Variants in IRAK2 observed in about 807,000 individuals in gnomAD.
IRAK2 encodes interleukin 1 receptor associated kinase 2.
In IRAK2, 57 loss-of-function variants were observed where a neutral mutation model predicts 72.0. The ratio of observed to expected loss-of-function variants is 0.79; its 90% CI spans 0.64 to 0.99. IRAK2 has a LOEUF of 0.99. IRAK2 is among the 50% of genes least tolerant of loss of function. The pLI is 0.00. For synonymous variants in IRAK2, 293 were observed against 312.7 expected (o/e 0.94, Z 0.67); for missense variants, 790 against 794.4 (o/e 0.99, Z 0.07).
chr3:10,190,547 T>C (rs1697159369), intron 2 of IRAK2, among the ~76,000 whole-genome samples: 1 of 152,120 alleles, frequency 6.6e-6, no homozygotes, highest in Non-Finnish European at 1.5e-5. Context: ...AAGGCTTTAA[T>C]CACTGTTGGT....
intron 4 of IRAK2, among the ~76,000 whole-genome samples, chr3:10,210,868 T>C (rs1357338863): frequency 1.3e-5 from 2 of 152,316 alleles, no homozygotes; most frequent in East Asian, 3.9e-4. Context: ...TTTTTTGTTT[T>C]TGTGTTTTTT....
At position 10,177,987 on chromosome 3, in the gene IRAK2, GAGCTCTAC is replaced by G; in HGVS notation, c.245_252del (p.Glu82AlafsTer14). ...ACTTGTGGACCTCCTGTGCCGCCTG[GAGCTCTAC>G]CGGGCTGCCCAGATCATCCTGAACT... On this transcript the variant is annotated frameshift_variant, in exon 2 of 13. Coordinates refer to ENST00000256458, the MANE Select transcript of IRAK2 (RefSeq NM_001570.4). LOFTEE classifies it high-confidence loss of function. 1.9e-6 allele frequency: 3 copies of G among 1,612,858 alleles called. No homozygotes were observed. The highest frequency in any genetic ancestry group is 2.5e-6 in the Non-Finnish European group (3 of 1,179,656).
chr3:10,179,064 A>G (rs1696921020), intron 2 of IRAK2, among the ~76,000 whole-genome samples: 1 of 151,934 alleles, frequency 6.6e-6, no homozygotes, highest in African/African-American at 2.4e-5. Context: ...GATTGCAGGC[A>G]TGAGTCACAT....
chr3:10,235,506 AC>A (rs1194311350), intron 11 of IRAK2, among the ~76,000 whole-genome samples: 1 of 151,866 alleles, frequency 6.6e-6, no homozygotes, highest in African/African-American at 2.4e-5. Context: ...GCCTGGGAGG[AC>A]CCTTAGAAAT....
At chr3:10,166,728 T>C (rs1338708969) in intron 1 of IRAK2, among the ~76,000 whole-genome samples, 2 of 152,208 alleles carry the variant, frequency 1.3e-5, no homozygotes, top group Non-Finnish European at 2.9e-5. Flanking sequence ...CACTGCAGCT[T>C]CCGCCTCTTG....
In IRAK2 at chr3:10,164,941, C is replaced by A; in HGVS notation, c.-14C>A. The A allele has an allele frequency of 3.8e-6, 6 of 1,596,828 alleles. No homozygotes were observed. Among genetic ancestry groups the A allele is most frequent in the Non-Finnish European group, 5.1e-6 (6 of 1,171,592 alleles). ...CCCAGTCGTCCCGCGCCGGAGCCGG[C>A]CCCGTAGCGTGCCATGGCCTGCTAC... On this transcript the variant is annotated 5_prime_UTR_variant, in exon 1 of 13. Transcript: ENST00000256458.
chr3:10,175,942 T>A (rs193095646), intron 1 of IRAK2, among the ~76,000 whole-genome samples: 3 of 146,004 alleles, frequency 2.1e-5, no homozygotes, highest in African/African-American at 7.5e-5. Context: ...ACCTGCAGCG[T>A]GGCAACAACT....
intron 7 of IRAK2, among the ~76,000 whole-genome samples, chr3:10,217,422 C>T (rs965445958): frequency 3.9e-5 from 6 of 152,304 alleles, no homozygotes; most frequent in Middle Eastern, 3.4e-3. Context: ...ATAGAACTAA[C>T]TTCGTTCGTC....
intron 1 of IRAK2, among the ~76,000 whole-genome samples, chr3:10,176,483 A>G (rs566456537): frequency 6.6e-6 from 1 of 150,540 alleles, no homozygotes; most frequent in South Asian, 2.1e-4. Flanking sequence ...TTATTTATTT[A>G]TTTATTTATT....
In IRAK2 at chr3:10,200,529, A is replaced by C. The variant is rs1212679843; in HGVS notation, c.424+14A>C. 1 of 1,545,026 alleles carries C rather than the reference A, an allele frequency of 6.5e-7. No homozygotes were observed. The highest frequency in any genetic ancestry group is 1.4e-5 in the African/African-American group (1 of 72,028). On this transcript the variant is annotated intron_variant, in intron 3 of 12. Coordinates refer to ENST00000256458, the MANE Select transcript of IRAK2 (RefSeq NM_001570.4). Reference sequence around the variant, plus strand: ...TTCCAGGCCCAGGTATTTTAAATTTAACTTTTTTACTTAAAGCACTTTTAT... The same window carrying C: ...TTCCAGGCCCAGGTATTTTAAATTTCACTTTTTTACTTAAAGCACTTTTAT...
intron 1 of IRAK2, among the ~76,000 whole-genome samples, chr3:10,174,372 A>AAATTTTCT (rs1696841000): frequency 1.3e-5 from 2 of 152,100 alleles, no homozygotes; most frequent in Non-Finnish European, 2.9e-5. Context: ...ACTGGCTCTG[A>AAATTTTCT]AATTTTCTGT....
chr3:10,243,158 C>T lies in IRAK2; in HGVS notation c.*930C>T, dbSNP rs545068115. ...CAAGTGATTCTCCTGCCTCAGCCTC[C>T]TGAGTAGATGGGACTGTAGGCACCT... On this transcript the variant is annotated 3_prime_UTR_variant, in exon 13 of 13. Coordinates refer to ENST00000256458, the MANE Select transcript of IRAK2 (RefSeq NM_001570.4). 3.3e-5 allele frequency: 5 copies of T among 152,366 alleles called. No individual in the cohort carries two copies. The highest frequency in any genetic ancestry group is 9.6e-5 in the African/African-American group (4 of 41,560). 9.4% of individuals were successfully genotyped at this position (152,366 alleles called of 1,614,324 possible). A position where few individuals can be genotyped will look rare whatever the true frequency, so the allele number is the denominator to read the frequency against.
At chr3:10,212,527 A>C (rs181971296) in intron 4 of IRAK2, among the ~76,000 whole-genome samples, 1 of 152,126 alleles carries the variant, frequency 6.6e-6, no homozygotes, top group Non-Finnish European at 1.5e-5. Context: ...GTGGGACCTC[A>C]CTTCAGCTGT....
chr3:10,206,961 C>A (rs984666122), intron 3 of IRAK2, among the ~76,000 whole-genome samples: 6 of 152,052 alleles, frequency 3.9e-5, no homozygotes, highest in African/African-American at 1.4e-4. Flanking sequence ...TCAAGCAATT[C>A]TCCTGCCTTA....
At chr3:10,200,318 G>A (rs1286802720) in intron 2 of IRAK2, 51 bp from the exon 3 acceptor site, 17 of 1,495,128 alleles carry the variant, frequency 1.1e-5, no homozygotes, top group Non-Finnish European at 1.4e-5. Flanking sequence ...TCTCTCAATG[G>A]CTACCCCACT....
At position 10,177,972 on chromosome 3, in the gene IRAK2, C is replaced by G; in HGVS notation, c.229C>G (p.Leu77Val). The change falls in exon 2 of 13, where the codon CTC becomes GTC. Residue 77 changes from leucine to valine, a missense_variant. Transcript: ENST00000256458. ...RQATVQQLVD[L>V]LCRLELYRAA... The stretch of plus-strand genomic sequence containing the variant: ...GGCCACCGTCCAGCAACTTGTGGAC[C>G]TCCTGTGCCGCCTGGAGCTCTACCG... 6.2e-7 allele frequency: 1 copy of G among 1,613,646 alleles called. No homozygotes were observed.
intron 1 of IRAK2, among the ~76,000 whole-genome samples, chr3:10,170,186 G>A (rs1334820974): frequency 2.0e-5 from 3 of 152,104 alleles, no homozygotes; most frequent in East Asian, 3.9e-4. Flanking sequence ...CATCATCAAG[G>A]CCATGGGTGT....
At chr3:10,181,850 C>T (rs73811842) in intron 2 of IRAK2, among the ~76,000 whole-genome samples, 2,579 of 152,276 alleles carry the variant, frequency 0.017, 73 homozygotes, top group African/African-American at 0.06. Context: ...ATGTAATCCT[C>T]TTCACTTTTC....
intron 10 of IRAK2, among the ~76,000 whole-genome samples, chr3:10,226,931 G>A (rs1697787296): frequency 7.9e-6 from 1 of 125,942 alleles, no homozygotes; most frequent in African/African-American, 3.2e-5. Flanking sequence ...GGGTGACAGA[G>A]CGAGACTCCA....
Sources: allele counts gnomAD v4.1 joint callset (sites outside exome capture counted in the v4.1 genomes callset), GRCh38; gene constraint gnomAD v4.1.1; transcripts MANE v1.5; gene names NCBI Gene and HGNC (gene_info 2026-07-23, HGNC 2026-07-21).